The following RAB37 variants were observed in gnomAD, a reference collection of about 807,000 sequenced individuals.
The protein encoded by RAB37 is ras-related protein Rab-37.
Under a neutral mutation model 33.1 loss-of-function variants are expected in RAB37, and 29 were observed. That is an observed-to-expected ratio of 0.88 (90% confidence interval 0.65 to 1.20). The LOEUF (loss-of-function observed/expected upper bound fraction) is 1.20. Among genes scored for constraint, RAB37 ranks in the 50% most tolerant of loss-of-function variants. The pLI is 0.00. For synonymous variants in RAB37, 128 were observed against 119.5 expected, an observed-to-expected ratio of 1.07 and a Z score of -0.47; for missense variants, 299 against 301.1, an observed-to-expected ratio of 0.99 and a Z score of 0.05.
At chr17:74,737,102 C>T (rs1286912754), upstream of RAB37, 3 of 1,603,720 alleles carry the variant, frequency 1.9e-6, no homozygotes, top group African/African-American at 4.0e-5. Context: ...TCTGCGTGCC[C>T]TCAGGGAACA....
chr17:74,703,627 C>T (rs1040334100), intron 1 of RAB37, among the ~76,000 whole-genome samples: 1 of 152,192 alleles, frequency 6.6e-6, no homozygotes, highest in Non-Finnish European at 1.5e-5. Context: ...GATGGGGATG[C>T]CCCCTTCTCA....
chr17:74,699,419 T>C lies in RAB37; in HGVS notation c.72+27761T>C, dbSNP rs368449894. Among the ~76,000 whole-genome samples, 72 of 152,268 alleles carry C rather than the reference T, an allele frequency of 4.7e-4. No individual in the cohort carries two copies. The East Asian group carries it at 0.013, about 28-fold the overall frequency. ...CCCGTGAATGTGACCTATTTGTGGA[T>C]GTAATCAAGTTAAGATGAGGTCATA... On this transcript the variant is annotated intron_variant, in intron 1 of 7. Coordinates refer to the RAB37 transcript ENST00000340415.
rs1320167553 is a variant in RAB37 at position 74,746,083 on chromosome 17, G to A, written c.*672G>A. On this transcript the variant is annotated 3_prime_UTR_variant, in exon 9 of 9. Transcript: ENST00000392613. This position sits in a 1 kb window ranked among gnomAD's most constrained non-coding sequence, Gnocchi z 5.2. ...TTTTCTCCAGCACACAAGCACATTG[G>A]GGCACCTGGAAATATTGGTTCCAGG... 1.3e-5 allele frequency: 2 copies of A among 152,164 alleles called. No individual in the cohort carries two copies. Among genetic ancestry groups the A allele is most frequent in the Non-Finnish European group, 2.9e-5 (2 of 68,088 alleles). 9.4% of individuals were successfully genotyped at this position (152,164 alleles called of 1,614,324 possible).
At chr17:74,704,608 G>A (rs2143777700) in intron 1 of RAB37, 3 of 1,614,154 alleles carry the variant, frequency 1.9e-6, no homozygotes, top group South Asian at 1.1e-5. Flanking sequence ...TTTTCTGATT[G>A]TCCTTGATGG....
chr17:74,735,933 C>G (rs1198708559), upstream of RAB37, among the ~76,000 whole-genome samples: 1 of 152,194 alleles, frequency 6.6e-6, no homozygotes, highest in Non-Finnish European at 1.5e-5. Context: ...AGGCCGGGCG[C>G]AGTGGCTCAC....
intron 1 of RAB37, among the ~76,000 whole-genome samples, chr17:74,709,324 A>G (rs958111612): frequency 6.6e-5 from 10 of 152,190 alleles, no homozygotes; most frequent in Non-Finnish European, 2.9e-5. Context: ...AGAAGTAGTG[A>G]TAGGAATCAA....
intron 1 of RAB37, chr17:74,713,045 G>A (rs1038175251): frequency 4.8e-6 from 3 of 622,984 alleles, no homozygotes; most frequent in Non-Finnish European, 5.6e-6. Flanking sequence ...CGTGGCTCAG[G>A]CCTGTAATCC....
chr17:74,707,716 G>GAAA (rs201223906), intron 1 of RAB37, among the ~76,000 whole-genome samples: 1 of 102,454 alleles, frequency 9.8e-6, no homozygotes. Flanking sequence ...CTCCATCTCA[G>GAAA]AAAAAAAAAA....
chr17:74,691,458 C>T (rs2032155056), intron 1 of RAB37, among the ~76,000 whole-genome samples: 1 of 152,170 alleles, frequency 6.6e-6, no homozygotes, highest in Non-Finnish European at 1.5e-5. Context: ...ACGTGAGCCA[C>T]CATGCCCGGC....
At chr17:74,680,796 G>A (rs866879472) in intron 1 of RAB37, among the ~76,000 whole-genome samples, 49 of 152,152 alleles carry the variant, frequency 3.2e-4, no homozygotes, top group African/African-American at 1.1e-3. Context: ...GGGAAGGGAT[G>A]TTCCGTTCAT....
At chr17:74,702,660 C>T (rs566665351) in intron 1 of RAB37, among the ~76,000 whole-genome samples, 1 of 152,248 alleles carries the variant, frequency 6.6e-6, no homozygotes, top group South Asian at 2.1e-4. Flanking sequence ...CGCCCACACT[C>T]ACATGAGACA....
At chr17:74,741,983 G>A (rs1164258959) in intron 2 of RAB37, among the ~76,000 whole-genome samples, 1 of 152,196 alleles carries the variant, frequency 6.6e-6, no homozygotes, top group Non-Finnish European at 1.5e-5. Context: ...GCCCTGGGCT[G>A]CCTGATCCCT....
chr17:74,680,420 G>A (rs1183766634), intron 1 of RAB37, among the ~76,000 whole-genome samples: 1 of 152,134 alleles, frequency 6.6e-6, no homozygotes, highest in Non-Finnish European at 1.5e-5. Context: ...CACAAGACAT[G>A]TATTGCCCTA....
At chr17:74,691,642 T>C (rs1324709255) in intron 1 of RAB37, among the ~76,000 whole-genome samples, 1 of 152,226 alleles carries the variant, frequency 6.6e-6, no homozygotes, top group African/African-American at 2.4e-5. Flanking sequence ...TAGTCTTCCC[T>C]GTGCGTCTAG....
chr17:74,695,994 TTCTCAGGCTCCTGTACC>T, intron 1 of RAB37: 1 of 1,281,158 alleles, frequency 7.8e-7, no homozygotes, highest in South Asian at 1.4e-5. Flanking sequence ...TGTCCTCCAC[TTCTCAGGCTCCTGTACC>T]CCTCAGCCCT....
chr17:74,716,148 T>C (rs2034162595), intron 1 of RAB37, among the ~76,000 whole-genome samples: 1 of 152,176 alleles, frequency 6.6e-6, no homozygotes. Flanking sequence ...CCTCAAAAAC[T>C]CATTTGAACC....
chr17:74,744,643 G>A lies in RAB37; in HGVS notation c.433-230G>A. The A allele has an allele frequency of 1.6e-6, 1 of 628,180 alleles. No individual in the cohort carries two copies. Among genetic ancestry groups the A allele is most frequent in the South Asian group, 1.9e-5 (1 of 52,064 alleles). 38.9% of individuals were successfully genotyped at this position (628,180 alleles called of 1,614,324 possible). On this transcript the variant is annotated intron_variant, in intron 6 of 8. Coordinates refer to ENST00000392613, the MANE Select transcript of RAB37 (RefSeq NM_001006638.3). The surrounding 1 kb of genome is among the most constrained non-coding windows in gnomAD (Gnocchi z 4.2). ...CAGGGTCCCAGGTCAGGGGCTAAGA[G>A]TGCAAAGGGTTAGCCCCAACTGCTG...
intron 1 of RAB37, among the ~76,000 whole-genome samples, chr17:74,692,250 C>G (rs542241389): frequency 1.3e-5 from 2 of 152,154 alleles, no homozygotes; most frequent in South Asian, 4.2e-4. Context: ...TCTCTGTGGG[C>G]GCTTCTTGCT....
Position 74,742,243 on chromosome 17 carries a change from T to C in RAB37, c.205-11T>C. ...TCCTGCCCTCCCATCCTCTGCCTTTTTCTCTTTCAGAACAAGGTGGTGACT... is the reference window on the plus strand; with the variant it reads ...TCCTGCCCTCCCATCCTCTGCCTTTCTCTCTTTCAGAACAAGGTGGTGACT... On this transcript the variant is annotated splice_polypyrimidine_tract_variant and intron_variant, in intron 2 of 8. Coordinates refer to ENST00000392613, the MANE Select transcript of RAB37 (RefSeq NM_001006638.3). The surrounding 1 kb of genome is among the most constrained non-coding windows in gnomAD (Gnocchi z 4.0). 3.1e-6 allele frequency: 5 copies of C among 1,613,068 alleles called. No individual in the cohort carries two copies. The highest frequency in any genetic ancestry group is 3.4e-6 in the Non-Finnish European group (4 of 1,179,364).
Sources: gnomAD v4.1 joint callset for allele counts (sites outside exome capture counted in the v4.1 genomes callset) on GRCh38, gnomAD v4.1.1 for gene constraint, Gnocchi (gnomAD v3.1) non-coding constraint, MANE v1.5 for transcripts, NCBI Gene and HGNC (gene_info 2026-07-23, HGNC 2026-07-21) for gene names.